METTL15: variants seen among roughly 807,000 people sequenced by gnomAD.
The protein encoded by METTL15 is methyltransferase 15, mitochondrial 12S rRNA N4-cytidine.
A neutral mutation model predicts 38.3 loss-of-function variants in METTL15; 34 were observed. That is an observed-to-expected ratio of 0.89 (90% CI 0.68 to 1.18). METTL15 has a LOEUF of 1.18. METTL15 is among the 50% of genes most tolerant of loss of function. The probability of loss-of-function intolerance (pLI) is 0.00; values close to 1 mark genes in which losing one functional copy is unlikely to be tolerated. For missense variants in METTL15, 438 were observed against 498.4 expected, an observed-to-expected ratio of 0.88 and a Z score of 1.15; for synonymous variants, 162 against 170.9, an observed-to-expected ratio of 0.95 and a Z score of 0.41.
At chr11:28,358,477 G>A (rs1850108834) in intron 4 of METTL15, among the ~76,000 whole-genome samples, 2 of 152,202 alleles carry the variant, frequency 1.3e-5, no homozygotes, top group Admixed American at 6.5e-5. Flanking sequence ...ACAGAACAGA[G>A]AAGAAGTGTC....
chr11:28,208,432 C>T (rs1659392733), intron 3 of METTL15, among the ~76,000 whole-genome samples: 1 of 152,112 alleles, frequency 6.6e-6, no homozygotes, highest in Non-Finnish European at 1.5e-5. Flanking sequence ...GAGTGAGTTT[C>T]TTAATCCTGA....
At chr11:28,438,286 T>C (rs1222252986) in intron 6 of METTL15, among the ~76,000 whole-genome samples, 1 of 152,232 alleles carries the variant, frequency 6.6e-6, no homozygotes, top group East Asian at 1.9e-4. Context: ...AAGTGAACTA[T>C]TTCAGAGTTT....
intron 6 of METTL15, among the ~76,000 whole-genome samples, chr11:28,446,609 A>G (rs917392435): frequency 1.3e-5 from 2 of 152,172 alleles, no homozygotes; most frequent in African/African-American, 2.4e-5. Flanking sequence ...ATATATTATC[A>G]TATCAATAAC....
At chr11:28,193,337 T>TA (rs1012309428) in intron 3 of METTL15, among the ~76,000 whole-genome samples, 3 of 152,068 alleles carry the variant, frequency 2.0e-5, no homozygotes, top group African/African-American at 7.2e-5. Flanking sequence ...TCAGGAAACT[T>TA]ACAGTCATAG....
chr11:28,413,568 G>T (rs1230745676), intron 5 of METTL15, among the ~76,000 whole-genome samples: 1 of 152,118 alleles, frequency 6.6e-6, no homozygotes, highest in African/African-American at 2.4e-5. Context: ...CTTATGAATT[G>T]CTGAGCATTT....
At chr11:28,409,014 T>C (rs1850700736) in intron 5 of METTL15, among the ~76,000 whole-genome samples, 1 of 152,164 alleles carries the variant, frequency 6.6e-6, no homozygotes, top group Admixed American at 6.5e-5. Context: ...AGAATATACG[T>C]TCTTTTTTAG....
chr11:28,189,372 A>G (rs1281755763), intron 3 of METTL15, among the ~76,000 whole-genome samples: 1 of 151,348 alleles, frequency 6.6e-6, no homozygotes. Context: ...ACAGAATGTT[A>G]TAATAGATAA....
At chr11:28,277,769 CCTTAT>C (rs1162716249) in intron 4 of METTL15, among the ~76,000 whole-genome samples, 5 of 151,948 alleles carry the variant, frequency 3.3e-5, no homozygotes, top group South Asian at 4.1e-4. Context: ...AACTAGAGGT[CCTTAT>C]CTTATTTGAA....
intron 3 of METTL15, among the ~76,000 whole-genome samples, chr11:28,173,214 T>C (rs1850923748): frequency 6.6e-6 from 1 of 152,158 alleles, no homozygotes; most frequent in Non-Finnish European, 1.5e-5. Flanking sequence ...CCCCACAAAT[T>C]CATATGTTGC....
chr11:28,384,475 A>T (rs538879769), intron 5 of METTL15, among the ~76,000 whole-genome samples: 55 of 151,734 alleles, frequency 3.6e-4, no homozygotes, highest in African/African-American at 1.3e-3. Context: ...TACCCGGCTA[A>T]TTTTTTTTAT....
chr11:28,501,752 C>T (rs960248497), intron 6 of METTL15, among the ~76,000 whole-genome samples: 3 of 152,138 alleles, frequency 2.0e-5, no homozygotes, highest in African/African-American at 7.2e-5. Context: ...CAATCCGTAT[C>T]ACCCACTGTG....
chr11:28,312,897 C>A (rs1345404800), intron 6 of METTL15, among the ~76,000 whole-genome samples: 1 of 151,996 alleles, frequency 6.6e-6, no homozygotes, highest in Non-Finnish European at 1.5e-5. Flanking sequence ...TTTCATCTCT[C>A]AATACTGTTA....
chr11:28,439,808 C>T lies in METTL15; in HGVS notation c.*424+15444C>T, dbSNP rs571703382. Among the ~76,000 whole-genome samples the T allele has an allele frequency of 1.2e-4, 19 of 152,262 alleles. No individual in the cohort carries two copies. In the South Asian group the frequency reaches 3.9e-3, roughly 32 times the overall value. On this transcript the variant is annotated intron_variant and NMD_transcript_variant, in intron 6 of 7. Transcript: ENST00000532947. ...TTAAGTACTTTCAGCCTAATTGGTT[C>T]TCAATTGGAGGAGATGCCTTGGGTC... is the stretch of plus-strand genomic sequence containing the variant.
At chr11:28,220,654 C>T (rs1005416112) in intron 4 of METTL15, among the ~76,000 whole-genome samples, 2 of 152,108 alleles carry the variant, frequency 1.3e-5, no homozygotes, top group Non-Finnish European at 2.9e-5. Context: ...TTCTTCCTAG[C>T]CTCGATGGTC....
At chr11:28,362,304 A>T (rs1211408097) in intron 5 of METTL15, among the ~76,000 whole-genome samples, 2 of 152,204 alleles carry the variant, frequency 1.3e-5, no homozygotes, top group Non-Finnish European at 2.9e-5. Context: ...TATCAGTGAA[A>T]CATTAAAACC....
chr11:28,507,900 A>G (rs1851642966), intron 6 of METTL15, among the ~76,000 whole-genome samples: 1 of 152,084 alleles, frequency 6.6e-6, no homozygotes, highest in Non-Finnish European at 1.5e-5. Flanking sequence ...TCTATTTTTC[A>G]TAAAGAAATT....
At chr11:28,503,082 C>T (rs183289758) in intron 6 of METTL15, among the ~76,000 whole-genome samples, 120 of 152,316 alleles carry the variant, frequency 7.9e-4, no homozygotes, top group East Asian at 5.2e-3. Context: ...TGTCCTTGAA[C>T]GCCTCCCAGG....
intron 5 of METTL15, among the ~76,000 whole-genome samples, chr11:28,399,267 C>A (rs1850606339): frequency 6.6e-6 from 1 of 151,866 alleles, no homozygotes; most frequent in Non-Finnish European, 1.5e-5. Context: ...TGAAACTGGA[C>A]CCCTTCCTTA....
At chr11:28,308,654 T>G (rs957405635) in intron 6 of METTL15, among the ~76,000 whole-genome samples, 18 of 152,204 alleles carry the variant, frequency 1.2e-4, no homozygotes, top group African/African-American at 4.3e-4. Context: ...GGATGCACCC[T>G]ATAATTTGTC....
Sources: gnomAD v4.1 joint callset for allele counts (sites outside exome capture counted in the v4.1 genomes callset) on GRCh38, gnomAD v4.1.1 for gene constraint, MANE v1.5 for transcripts, NCBI Gene and HGNC (gene_info 2026-07-23, HGNC 2026-07-21) for gene names.